The following PGR variants were observed in gnomAD, a reference collection of about 807,000 sequenced individuals.
PGR encodes progesterone receptor.
A neutral mutation model predicts 76.1 loss-of-function variants in PGR; 25 were observed. The observed-to-expected ratio is 0.33, with a 90% confidence interval of 0.24 to 0.46. PGR has a LOEUF of 0.46. Among genes scored for constraint, PGR ranks in the 20% least tolerant of loss-of-function variants. The pLI, the probability that PGR is intolerant of heterozygous loss-of-function variation, is 1.00. For synonymous variants in PGR, 579 were observed against 535.0 expected, an observed-to-expected ratio of 1.08 and a Z score of -1.14; for missense variants, 1,172 against 1,225.3, an observed-to-expected ratio of 0.96 and a Z score of 0.65.
intron 6 of PGR, among the ~76,000 whole-genome samples, chr11:101,044,255 T>C (rs1010757934): frequency 6.6e-6 from 1 of 152,202 alleles, no homozygotes; most frequent in African/African-American, 2.4e-5. Context: ...CACCTTATAC[T>C]TTGTTATGGA....
At chr11:101,064,331 CAAAAAAAAAAAAAAAAAAAAA>C (rs10556132) in intron 3 of PGR, among the ~76,000 whole-genome samples, 33 of 39,448 alleles carry the variant, frequency 8.4e-4, no homozygotes, top group African/African-American at 3.3e-3. Context: ...AACTCCACCT[CAAAAAAAAAAAAAAAAAAAAA>C]AAAAAAAAAA....
At chr11:101,125,596 C>T (rs564485158) in intron 2 of PGR, among the ~76,000 whole-genome samples, 105 of 152,114 alleles carry the variant, frequency 6.9e-4, no homozygotes, top group African/African-American at 2.4e-3. Context: ...AATATGTATA[C>T]GCATACATGT....
rs1638389716 is a variant in PGR, at chr11:101,038,306, C to T, written c.*810G>A. On this transcript the variant is annotated 3_prime_UTR_variant, in exon 8 of 8. Transcript: ENST00000325455. ...GAGAATTGAGAATCAGTAAGAGTGACTAACTTTCAGCATGCCACAGTTGGT... is the reference window on the plus strand; with the variant it reads ...GAGAATTGAGAATCAGTAAGAGTGATTAACTTTCAGCATGCCACAGTTGGT... The T allele has an allele frequency of 4.9e-6, 1 of 204,222 alleles. No homozygotes were observed. 12.7% of individuals were successfully genotyped at this position (204,222 alleles called of 1,614,324 possible).
In PGR at chr11:101,075,104, T is replaced by G. The variant is rs1277545396; in HGVS notation, c.1907-12352A>C. Among the ~76,000 whole-genome samples, 8 of 152,250 alleles carry G rather than the reference T, an allele frequency of 5.3e-5. No individual in the cohort carries two copies. In the East Asian group the frequency reaches 1.5e-3, roughly 29 times the overall value. ...CAAGGCTACAGTAGCCAAAACAGCA[T>G]GGTACTGGTACCAAAACAGATATAT... On this transcript the variant is annotated intron_variant, in intron 3 of 7. Transcript: ENST00000325455.
chr11:101,071,450 G>A (rs541118725), intron 3 of PGR, among the ~76,000 whole-genome samples: 1 of 152,122 alleles, frequency 6.6e-6, no homozygotes, highest in Non-Finnish European at 1.5e-5. Flanking sequence ...TCACCAGCAA[G>A]GGAATAAAAC....
intron 2 of PGR, among the ~76,000 whole-genome samples, chr11:101,104,278 C>G (rs1862081691): frequency 6.6e-6 from 1 of 152,188 alleles, no homozygotes; most frequent in Non-Finnish European, 1.5e-5. Flanking sequence ...TTCATCGTAT[C>G]TGTTGTCCAA....
At chr11:101,074,652 C>CA (rs942611043) in intron 3 of PGR, among the ~76,000 whole-genome samples, 16 of 152,184 alleles carry the variant, frequency 1.1e-4, no homozygotes, top group African/African-American at 3.9e-4. Flanking sequence ...AATAAATGTG[C>CA]AAAAATCACA....
chr11:101,122,806 G>A (rs1862720155), intron 2 of PGR, among the ~76,000 whole-genome samples: 1 of 152,064 alleles, frequency 6.6e-6, no homozygotes, highest in South Asian at 2.1e-4. Flanking sequence ...TCCTAACATG[G>A]GAGGGAGGTG....
At chr11:101,084,014 T>A (rs1861406429) in intron 3 of PGR, among the ~76,000 whole-genome samples, 1 of 152,086 alleles carries the variant, frequency 6.6e-6, no homozygotes, top group Non-Finnish European at 1.5e-5. Flanking sequence ...TCACGTTGAA[T>A]TGTAATTCCC....
rs1199342053 is a variant in PGR at position 101,127,973 on chromosome 11, G to A, written c.1098C>T (p.Asp366=). 6.2e-7 allele frequency: 1 copy of A among 1,612,016 alleles called. No homozygotes were observed. Among genetic ancestry groups the A allele is most frequent in the Non-Finnish European group, 8.5e-7 (1 of 1,179,842 alleles). Residue 366 remains aspartate (D), a synonymous_variant, in exon 1 of 8, where the codon GAC becomes GAT. Transcript: ENST00000325455. ...GDFPDCAYPP[D]AEPKDDAYPL... is the part of the protein sequence containing the mutation. ...GGTACGCGTCGTCCTTGGGCTCGGC[G>A]TCGGGCGGGTACGCGCAGTCGGGGA...
rs981060036 is a variant in PGR at position 101,031,354 on chromosome 11, C to T, written c.*7762G>A. On this transcript the variant is annotated 3_prime_UTR_variant, in exon 8 of 8. Coordinates refer to ENST00000325455, the MANE Select transcript of PGR (RefSeq NM_000926.4). ...AAAGAAACCTCCTTCCCACAGCTAC[C>T]ATGTACATACAGTAAGCTTCTGCCT... is the stretch of plus-strand genomic sequence containing the variant. 4 of 223,102 alleles carry T rather than the reference C, an allele frequency of 1.8e-5. No individual in the cohort carries two copies. The highest frequency in any genetic ancestry group is 8.9e-5 in the African/African-American group (4 of 44,732). The allele number at this position is 223,102 out of a possible 1,614,324, so 13.8% of individuals were successfully genotyped here.
chr11:101,095,702 G>C (rs1861812084), intron 2 of PGR, among the ~76,000 whole-genome samples: 2 of 152,158 alleles, frequency 1.3e-5, no homozygotes, highest in Non-Finnish European at 2.9e-5. Context: ...TTAGTACCTT[G>C]GATTGGATCT....
intron 3 of PGR, among the ~76,000 whole-genome samples, chr11:101,068,455 T>G (rs1238198553): frequency 1.3e-5 from 2 of 152,178 alleles, no homozygotes; most frequent in South Asian, 4.1e-4. Context: ...AAGTAATTTA[T>G]AGATCCAATA....
chr11:101,105,787 A>G (rs1862139272), intron 2 of PGR, among the ~76,000 whole-genome samples: 1 of 152,212 alleles, frequency 6.6e-6, no homozygotes, highest in African/African-American at 2.4e-5. Context: ...CTAAGCAAAA[A>G]GAACAAAGCT....
chr11:101,114,066 G>A (rs1233599593), intron 2 of PGR, among the ~76,000 whole-genome samples: 1 of 152,048 alleles, frequency 6.6e-6, no homozygotes, highest in African/African-American at 2.4e-5. Flanking sequence ...CAAAAAAGTT[G>A]CCACAAACTT....
In PGR at chr11:101,034,935, T is replaced by C. The variant is rs756537319; in HGVS notation, c.*4181A>G. The C allele has an allele frequency of 5.3e-6, 1 of 187,604 alleles. No homozygotes were observed. Among genetic ancestry groups the C allele is most frequent in the Non-Finnish European group, 1.1e-5 (1 of 89,064 alleles). The allele number at this position is 187,604 out of a possible 1,614,324, so 11.6% of individuals were successfully genotyped here. Reference sequence around the variant, plus strand: ...ATTGTTGTTTTCACTCAGCCATGAATAAGAAAAAAAGAAACCACAAAACCT... The same window carrying C: ...ATTGTTGTTTTCACTCAGCCATGAACAAGAAAAAAAGAAACCACAAAACCT... On this transcript the variant is annotated 3_prime_UTR_variant, in exon 8 of 8. Transcript: ENST00000325455.
intron 2 of PGR, among the ~76,000 whole-genome samples, chr11:101,106,529 C>T (rs577779645): frequency 6.6e-6 from 1 of 152,276 alleles, no homozygotes; most frequent in Admixed American, 6.5e-5. Flanking sequence ...CATCTCATGG[C>T]AGTTGGAATG....
At chr11:101,055,922 TTC>T (rs1860272387) in intron 4 of PGR, among the ~76,000 whole-genome samples, 3 of 152,346 alleles carry the variant, frequency 2.0e-5, no homozygotes, top group African/African-American at 7.2e-5. Flanking sequence ...GAAACTATAT[TTC>T]TGTTTGTTTG....
At chr11:101,104,014 A>G (rs902133796) in intron 2 of PGR, among the ~76,000 whole-genome samples, 1 of 152,202 alleles carries the variant, frequency 6.6e-6, no homozygotes, top group Admixed American at 6.5e-5. Flanking sequence ...TGTATATAAA[A>G]TCTATAGCAC....
Sources: allele counts gnomAD v4.1 joint callset (sites outside exome capture counted in the v4.1 genomes callset), GRCh38; gene constraint gnomAD v4.1.1; transcripts MANE v1.5; gene names NCBI Gene and HGNC (gene_info 2026-07-23, HGNC 2026-07-21).